CEP250: variants seen among roughly 807,000 people sequenced by gnomAD.
The protein encoded by CEP250 is centrosome-associated protein CEP250.
A neutral mutation model predicts 315.7 loss-of-function variants in CEP250; 242 were observed. The observed-to-expected ratio is 0.77, with a 90% CI of 0.69 to 0.85. The LOEUF (loss-of-function observed/expected upper bound fraction) is 0.85, where lower values mean the gene tolerates loss of function less well. CEP250 is among the 40% of genes least tolerant of loss of function. The pLI, the probability that CEP250 is intolerant of heterozygous loss-of-function variation, is 0.00. For synonymous variants in CEP250, 1,088 were observed against 1,175.0 expected (o/e 0.93, Z 1.51); for missense variants, 2,515 against 2,886.4 (o/e 0.87, Z 2.95).
intron 20 of CEP250, chr20:35,481,205 C>T (rs979996103): frequency 3.9e-5 from 6 of 151,982 alleles, no homozygotes; most frequent in African/African-American, 1.5e-4. Flanking sequence ...ATTGCTTGAG[C>T]CCAGGAGTTT....
chr20:35,473,742 T>G (rs1052850425), intron 13 of CEP250, 128 bp from the exon 14 acceptor site: 3 of 1,052,010 alleles, frequency 2.9e-6, no homozygotes, highest in East Asian at 5.2e-5. Context: ...TTTGTGATGA[T>G]AAAAAAGTTT....
intron 24 of CEP250, 119 bp downstream of exon 24, chr20:35,494,776 A>G: frequency 9.0e-7 from 1 of 1,116,858 alleles, no homozygotes; most frequent in Non-Finnish European, 1.3e-6. Context: ...TGGGATGTAC[A>G]TGTAGCCATG....
In CEP250 at chr20:35,502,754, C is replaced by A; in HGVS notation, c.4385C>A (p.Ser1462Tyr). Residue 1462 changes from serine to tyrosine, a missense_variant, in exon 30 of 35, where the codon TCT becomes TAT. Ser to Tyr is a moderately radical substitution (Grantham distance 144, BLOSUM62 -2). Coordinates refer to ENST00000397527, the MANE Select transcript of CEP250 (RefSeq NM_007186.6). ...EMQKAALELL[S>Y]LDLKKRNQEV... ...CAGAAGGCTGCTTTGGAATTGCTGT[C>A]TCTGGACCTGAAGAAGAGGAACCAA... 2 of 1,614,256 alleles carry A rather than the reference C, an allele frequency of 1.2e-6. No homozygotes were observed. Among genetic ancestry groups the A allele is most frequent in the Non-Finnish European group, 1.7e-6 (2 of 1,180,050 alleles).
Position 35,466,262 on chromosome 20 carries a change from C to T in CEP250, c.492+58C>T, listed in dbSNP as rs906956766. ...AAGCCTGTGTATTCTGGATGCTGCCCTGGTCAGTACTGGAAGGAGTTAACT... is the reference window on the plus strand; with the variant it reads ...AAGCCTGTGTATTCTGGATGCTGCCTTGGTCAGTACTGGAAGGAGTTAACT... On this transcript the variant is annotated intron_variant, in intron 7 of 34. Transcript: ENST00000397527. 14 of 1,520,390 alleles carry T rather than the reference C, an allele frequency of 9.2e-6. No individual in the cohort carries two copies. The Admixed American group carries it at 9.9e-5, about 11-fold the overall frequency. 94.2% of individuals were successfully genotyped at this position (1,520,390 alleles called of 1,614,324 possible).
Position 35,479,258 on chromosome 20 carries a change from A to T in CEP250, c.2122A>T (p.Thr708Ser). ...ESRHQQEAATTQLEQLHQEAK... is the reference protein window; with the variant it reads ...ESRHQQEAATSQLEQLHQEAK... The stretch of plus-strand genomic sequence containing the variant: ...ACGTCACCAGCAGGAGGCAGCCACG[A>T]CTCAGCTGGAGCAGCTACATCAGGA... Residue 708 changes from threonine (T) to serine (S), a missense_variant, in exon 18 of 35, where the codon ACT becomes TCT. Thr to Ser is a moderately conservative substitution (Grantham distance 58). Transcript: ENST00000397527. 6.2e-7 allele frequency: 1 copy of T among 1,614,010 alleles called. No homozygotes were observed. The highest frequency in any genetic ancestry group is 8.5e-7 in the Non-Finnish European group (1 of 1,179,938).
chr20:35,492,919 G>T (rs951553485), intron 22 of CEP250, among the ~76,000 whole-genome samples: 1 of 152,014 alleles, frequency 6.6e-6, no homozygotes. Flanking sequence ...GTGGAGAAAG[G>T]GTTTCACCAT....
Position 35,473,980 on chromosome 20 carries a change from G to A in CEP250, c.1499G>A (p.Gly500Glu). 1 of 1,608,684 alleles carries A rather than the reference G, an allele frequency of 6.2e-7. No individual in the cohort carries two copies. The highest frequency in any genetic ancestry group is 1.3e-5 in the African/African-American group (1 of 74,636). ...RRVNVELQLQ[G>E]DSAQGQKEEQ... ...GTAAATGTGGAGCTTCAGCTGCAGG[G>A]GGACTCTGCCCAGGGCCAGAAGGAG... Residue 500 changes from glycine (G) to glutamate (E), a missense_variant, in exon 14 of 35, where the codon GGG (glycine) becomes GAG (glutamate). Transcript: ENST00000397527.
chr20:35,486,564 C>G lies in CEP250; in HGVS notation c.2587-4073C>G, dbSNP rs547777683. Among the ~76,000 whole-genome samples the G allele has an allele frequency of 4.3e-4, 65 of 152,240 alleles. 1 individual carries two copies. The highest frequency in any genetic ancestry group is 1.4e-3 in the African/African-American group (60 of 41,532). On this transcript the variant is annotated intron_variant, in intron 20 of 34. Transcript: ENST00000397527. ...GGCCTACACCACAAGTCTTGCTTTG[C>G]TTTTGGCTTCTGTGGAATTTTTATT...
intron 30 of CEP250, 28 bp downstream of exon 30, chr20:35,505,033 C>A: frequency 6.4e-7 from 1 of 1,552,786 alleles, no homozygotes; most frequent in Non-Finnish European, 8.7e-7. Flanking sequence ...GAGTAAGGGC[C>A]AGGGGACACA....
intron 7 of CEP250, 142 bp downstream of exon 7, chr20:35,466,346 C>T (rs955444698): frequency 6.9e-6 from 7 of 1,008,134 alleles, no homozygotes; most frequent in Middle Eastern, 3.2e-4. Context: ...TCCTTACCTG[C>T]GCATGCTGGC....
At position 35,502,593 on chromosome 20, in the gene CEP250, G is replaced by A; in HGVS notation, c.4224G>A (p.Gln1408=). The A allele has an allele frequency of 6.2e-7, 1 of 1,614,274 alleles. No individual in the cohort carries two copies. The highest frequency in any genetic ancestry group is 1.1e-5 in the South Asian group (1 of 91,088). ...ERERAQALQE[Q]GELKVAQGKA... is the part of the protein sequence containing the mutation. ...AGAGAGCCCAGGCTCTGCAAGAGCA[G>A]GGCGAACTGAAGGTGGCCCAAGGGA... The change falls in exon 30 of 35, where the codon CAG becomes CAA. Residue 1408 remains glutamine (Q), a synonymous_variant. Coordinates refer to ENST00000397527, the MANE Select transcript of CEP250 (RefSeq NM_007186.6).
Position 35,505,080 on chromosome 20 carries a change from C to G in CEP250, c.6636+75C>G, listed in dbSNP as rs549523469. Reference sequence around the variant, plus strand: ...CTGAGCTCAGGGACTGCCCACCACCCTGGGCCCTGTGGCACCTCAGGGGTA... The same window carrying G: ...CTGAGCTCAGGGACTGCCCACCACCGTGGGCCCTGTGGCACCTCAGGGGTA... On this transcript the variant is annotated intron_variant, in intron 30 of 34. Transcript: ENST00000397527. The G allele has an allele frequency of 5.3e-4, 699 of 1,324,376 alleles. No individual in the cohort carries two copies. The African/African-American group carries it at 8.8e-3, about 17-fold the overall frequency. The allele number at this position is 1,324,376 out of a possible 1,614,324, so 82.0% of individuals were successfully genotyped here. A position where few individuals can be genotyped will look rare whatever the true frequency, so the allele number is the denominator to read the frequency against.
chr20:35,497,998 G>T lies in CEP250; in HGVS notation c.3586G>T (p.Val1196Phe). 6.2e-7 allele frequency: 1 copy of T among 1,612,976 alleles called. No homozygotes were observed. Residue 1196 changes from valine to phenylalanine, a missense_variant, in exon 26 of 35, where the codon GTT becomes TTT. Coordinates refer to ENST00000397527, the MANE Select transcript of CEP250 (RefSeq NM_007186.6). ...YSALQQALGS[V>F]CESRPELSGG... ...TGCCCTGCAGCAGGCCCTGGGGTCT[G>T]TTTGTGAGAGCAGGCCTGAGCTGAG...
intron 25 of CEP250, 72 bp downstream of exon 25, chr20:35,496,787 T>G: frequency 6.6e-7 from 1 of 1,517,108 alleles, no homozygotes; most frequent in Non-Finnish European, 8.9e-7. Flanking sequence ...GATTGATTGC[T>G]CTGAGTCCTC....
At position 35,504,586 on chromosome 20, in the gene CEP250, A is replaced by G; in HGVS notation, c.6217A>G (p.Met2073Val). The change falls in exon 30 of 35, where the codon ATG becomes GTG. Residue 2073 changes from methionine (M) to valine (V), a missense_variant. Met to Val is a conservative substitution (Grantham distance 21). Transcript: ENST00000397527. ...KSLAQRVQEN[M>V]IQEKQNLGQE... ...TCTGGCCCAGAGGGTCCAAGAGAAT[A>G]TGATCCAAGAGAAGCAGAATCTGGG... The G allele has an allele frequency of 6.2e-7, 1 of 1,614,180 alleles. No homozygotes were observed. The highest frequency in any genetic ancestry group is 8.5e-7 in the Non-Finnish European group (1 of 1,180,008).
At chr20:35,472,599 C>A in intron 11 of CEP250, 74 bp from the exon 12 acceptor site, 1 of 1,476,868 alleles carries the variant, frequency 6.8e-7, no homozygotes, top group Non-Finnish European at 9.4e-7. Context: ...TTTGTCCAGG[C>A]TATAGGGTTA....
chr20:35,467,941 C>CTTTT (rs1421312559), intron 9 of CEP250, among the ~76,000 whole-genome samples: 1 of 118,446 alleles, frequency 8.4e-6, no homozygotes, highest in African/African-American at 3.8e-5. Context: ...CAAATATTAC[C>CTTTT]TCTTTTTTTT....
chr20:35,494,244 G>C (rs2063775728), intron 23 of CEP250: 1 of 347,326 alleles, frequency 2.9e-6, no homozygotes, highest in South Asian at 3.3e-5. Context: ...AAAGTGTTGA[G>C]ATTACAGGTG....
rs376920688 is a variant in CEP250 at position 35,470,336 on chromosome 20, A to G, written c.948+350A>G. On this transcript the variant is annotated intron_variant, in intron 10 of 34. Transcript: ENST00000397527. ...GAGATTTAAAATCTAGTCACATGGG[A>G]AACAACTGAGGAGTATGGCAATGTT... Among the ~76,000 whole-genome samples, 9 of 152,320 alleles carry G rather than the reference A, an allele frequency of 5.9e-5. No individual in the cohort carries two copies. In the South Asian group the frequency reaches 1.9e-3, roughly 32 times the overall value.
Sources: gnomAD v4.1 joint callset for allele counts (sites outside exome capture counted in the v4.1 genomes callset) on GRCh38, gnomAD v4.1.1 for gene constraint, MANE v1.5 for transcripts, NCBI Gene and HGNC (gene_info 2026-07-23, HGNC 2026-07-21) for gene names.